Variants in XKR9 observed in about 807,000 individuals in gnomAD.
XKR9 encodes XK-related protein 9.
A neutral mutation model predicts 32.0 loss-of-function variants in XKR9; 32 were observed. That is an observed-to-expected ratio of 1.00 (90% CI 0.76 to 1.34). The LOEUF is 1.34. XKR9 is among the 40% of genes most tolerant of loss of function. The probability of loss-of-function intolerance (pLI) is 0.00; values close to 1 mark genes in which losing one functional copy is unlikely to be tolerated. For missense variants in XKR9, 546 were observed against 429.7 expected, an observed-to-expected ratio of 1.27 and a Z score of -2.39; for synonymous variants, 168 against 143.4, an observed-to-expected ratio of 1.17 and a Z score of -1.22.
intron 2 of XKR9, among the ~76,000 whole-genome samples, chr8:70,785,865 C>T (rs571669733): frequency 6.7e-6 from 1 of 149,984 alleles, no homozygotes; most frequent in Non-Finnish European, 1.5e-5. Flanking sequence ...CATTTGTCTC[C>T]CAGGCTGGGC....
At chr8:70,887,968 G>A in the XKR9 span, among the ~76,000 whole-genome samples, 1 of 152,092 alleles carries the variant, frequency 6.6e-6, no homozygotes, top group Admixed American at 6.5e-5. Context: ...ATGTTGAATA[G>A]GAGTGGTAAG....
At position 70,776,947 on chromosome 8, in the gene XKR9, C is replaced by CTCTCTCTCTCTCTCTATATATATA; in HGVS notation, n.353-12391_353-12390insCTCTCTCTCTCTCTATATATATAT. 1.6e-3 allele frequency among the ~76,000 whole-genome samples: 85 copies of CTCTCTCTCTCTCTCTATATATATA among 54,184 alleles called. 1 individual carries two copies. Among genetic ancestry groups the CTCTCTCTCTCTCTCTATATATATA allele is most frequent in the East Asian group, 4.9e-3 (12 of 2,452 alleles). 35.5% of individuals were successfully genotyped at this position (54,184 alleles called of 152,430 possible). A position where few individuals can be genotyped will look rare whatever the true frequency, so the allele number is the denominator to read the frequency against. The stretch of plus-strand genomic sequence containing the variant: ...TTTCTCTCTCTCTCTCTCTCTCTCT[C>CTCTCTCTCTCTCTCTATATATATA]TATATATATATATATATGTATGTAT... On this transcript the variant is annotated intron_variant and non_coding_transcript_variant, in intron 2 of 3. Coordinates refer to the XKR9 transcript ENST00000520273.
chr8:71,028,522 T>C, the XKR9 span, among the ~76,000 whole-genome samples: 1 of 151,974 alleles, frequency 6.6e-6, no homozygotes, highest in Non-Finnish European at 1.5e-5. Flanking sequence ...GGTCAAAGGG[T>C]ACAAATTTTC....
chr8:70,995,071 C>A, the XKR9 span, among the ~76,000 whole-genome samples: 93 of 152,262 alleles, frequency 6.1e-4, no homozygotes, highest in African/African-American at 2.2e-3. Flanking sequence ...GACAACTTTA[C>A]AAACTATGTC....
At chr8:70,885,114 T>A in the XKR9 span, among the ~76,000 whole-genome samples, 2 of 152,144 alleles carry the variant, frequency 1.3e-5, no homozygotes, top group East Asian at 3.8e-4. Context: ...TATACCTAAT[T>A]ATTTCATTTT....
intron 2 of XKR9, among the ~76,000 whole-genome samples, chr8:70,784,885 G>A (rs998459932): frequency 2.0e-5 from 3 of 151,428 alleles, no homozygotes; most frequent in Non-Finnish European, 4.4e-5. Context: ...ACCTAATTTG[G>A]TGAGATTTTT....
chr8:71,060,332 A>C, the XKR9 span, among the ~76,000 whole-genome samples: 1 of 152,216 alleles, frequency 6.6e-6, no homozygotes, highest in Non-Finnish European at 1.5e-5. Flanking sequence ...AAGTTGACAG[A>C]GCCAGTAACA....
the XKR9 span, among the ~76,000 whole-genome samples, chr8:70,883,823 T>C: frequency 2.6e-3 from 394 of 152,278 alleles, 1 homozygote; most frequent in African/African-American, 8.9e-3. Context: ...TTGACACCTA[T>C]AAAGAGAAAG....
At chr8:70,885,834 G>A in the XKR9 span, among the ~76,000 whole-genome samples, 4 of 152,266 alleles carry the variant, frequency 2.6e-5, no homozygotes, top group African/African-American at 9.6e-5. Flanking sequence ...CTGACTTCAT[G>A]ATATGCCCAC....
chr8:71,060,042 A>T, the XKR9 span, among the ~76,000 whole-genome samples: 1 of 152,154 alleles, frequency 6.6e-6, no homozygotes, highest in African/African-American at 2.4e-5. Context: ...ACATCTGAAG[A>T]GGGAAATTGT....
chr8:71,024,620 A>G, the XKR9 span, among the ~76,000 whole-genome samples: 2 of 152,020 alleles, frequency 1.3e-5, no homozygotes, highest in Non-Finnish European at 2.9e-5. Flanking sequence ...AGCTCCTTAT[A>G]CCTGTCTCAG....
chr8:70,708,953 C>T (rs1289278557), intron 4 of XKR9, among the ~76,000 whole-genome samples: 1 of 151,904 alleles, frequency 6.6e-6, no homozygotes. Context: ...TCTCTGAGGT[C>T]AGCATCATTT....
chr8:70,733,575 C>G (rs1005195514), intron 4 of XKR9, among the ~76,000 whole-genome samples: 1 of 152,036 alleles, frequency 6.6e-6, no homozygotes, highest in East Asian at 1.9e-4. Context: ...AATCTCAGTT[C>G]TGCAACTTAC....
At chr8:70,900,068 C>T in the XKR9 span, among the ~76,000 whole-genome samples, 1 of 151,894 alleles carries the variant, frequency 6.6e-6, no homozygotes, top group African/African-American at 2.4e-5. Context: ...AAAATGTGCA[C>T]TCCAGCCTGG....
At chr8:70,717,482 C>G (rs1217709562) in intron 4 of XKR9, among the ~76,000 whole-genome samples, 2 of 152,196 alleles carry the variant, frequency 1.3e-5, no homozygotes, top group Non-Finnish European at 2.9e-5. Context: ...TGTAAGGTGC[C>G]AAGGCCTGGG....
intron 2 of XKR9, among the ~76,000 whole-genome samples, chr8:70,749,477 C>T (rs1467380221): frequency 1.3e-5 from 2 of 152,252 alleles, no homozygotes; most frequent in Non-Finnish European, 2.9e-5. Flanking sequence ...TTGCTGCCTG[C>T]AGCAGAAGCT....
chr8:70,739,501 C>G (rs555911526), downstream of XKR9, among the ~76,000 whole-genome samples: 21 of 152,236 alleles, frequency 1.4e-4, 1 homozygote, highest in South Asian at 2.9e-3. Context: ...CGAATTTGAT[C>G]CTGTCATTAT....
At chr8:70,813,924 G>T in the XKR9 span, among the ~76,000 whole-genome samples, 1 of 152,064 alleles carries the variant, frequency 6.6e-6, no homozygotes, top group East Asian at 1.9e-4. Flanking sequence ...ACCATTTGAC[G>T]CAGCAATCCC....
the XKR9 span, among the ~76,000 whole-genome samples, chr8:70,959,888 G>A: frequency 6.6e-6 from 1 of 152,074 alleles, no homozygotes; most frequent in Non-Finnish European, 1.5e-5. Flanking sequence ...TAAGTATGTG[G>A]TTTAAAGAGA....
Sources: allele counts gnomAD v4.1 joint callset (sites outside exome capture counted in the v4.1 genomes callset), GRCh38; gene constraint gnomAD v4.1.1; transcripts MANE v1.5; gene names NCBI Gene and HGNC (gene_info 2026-07-23, HGNC 2026-07-21).